Variants in EYS observed in about 807,000 individuals in gnomAD.
EYS encodes the protein EGF-like photoreceptor maintenance factor.
A neutral mutation model predicts 282.1 loss-of-function variants in EYS; 250 were observed. The observed-to-expected ratio is 0.89, with a 90% CI of 0.80 to 0.98. EYS has a LOEUF of 0.98. Among genes scored for constraint, EYS ranks in the 50% least tolerant of loss-of-function variants. The pLI is 0.00. For synonymous variants in EYS, 1,355 were observed against 1,282.9 expected (o/e 1.06, Z -1.20); for missense variants, 4,016 against 3,709.0 (o/e 1.08, Z -2.15).
chr6:64,213,187 T>G (rs1175110372), intron 31 of EYS, among the ~76,000 whole-genome samples: 2 of 152,130 alleles, frequency 1.3e-5, no homozygotes, highest in East Asian at 1.9e-4. Flanking sequence ...AGTTTACCTA[T>G]GTAACAAACC....
chr6:63,865,917 T>C (rs1320819705), intron 35 of EYS, among the ~76,000 whole-genome samples: 1 of 152,218 alleles, frequency 6.6e-6, no homozygotes, highest in East Asian at 1.9e-4. Context: ...TTGTAAGGCT[T>C]TGAGACCTTC....
At position 64,591,887 on chromosome 6, in the gene EYS, A is replaced by C; in HGVS notation, c.3980T>G (p.Leu1327Arg). 6.4e-7 allele frequency: 1 copy of C among 1,550,888 alleles called. No individual in the cohort carries two copies. Among genetic ancestry groups the C allele is most frequent in the Non-Finnish European group, 8.7e-7 (1 of 1,146,436 alleles). ...TGCTGAAAGCTCTCTAGTGACAATC[A>C]GTTCTTGGAGTAAGTAGCTTTCCAA... ...TPLESYLLQE[L>R]IVTRELSAKH... The change falls in exon 26 of 43, where the codon CTG becomes CGG. Residue 1327 changes from leucine to arginine, a missense_variant. Transcript: ENST00000503581.
At chr6:64,246,533 TAC>T (rs770873735) in intron 30 of EYS, among the ~76,000 whole-genome samples, 3 of 152,172 alleles carry the variant, frequency 2.0e-5, no homozygotes, top group Non-Finnish European at 4.4e-5. Context: ...GACATGTGTG[TAC>T]AGTTTGCATA....
chr6:64,257,767 GAT>G (rs1767450227), intron 30 of EYS, among the ~76,000 whole-genome samples: 3 of 16,552 alleles, frequency 1.8e-4, no homozygotes, highest in East Asian at 8.0e-4. Flanking sequence ...GAATGGTGTG[GAT>G]GATGATGATG....
intron 12 of EYS, among the ~76,000 whole-genome samples, chr6:65,085,447 A>G (rs1774338282): frequency 6.6e-6 from 1 of 152,226 alleles, no homozygotes; most frequent in South Asian, 2.1e-4. Context: ...AAAGGGCTAC[A>G]GAAATGAACC....
chr6:64,043,990 C>T (rs1047473085), intron 33 of EYS, among the ~76,000 whole-genome samples: 2 of 152,120 alleles, frequency 1.3e-5, no homozygotes, highest in African/African-American at 2.4e-5. Flanking sequence ...TCATGAAAAC[C>T]TTCCTTCCCC....
chr6:64,181,207 T>C (rs1182082730), intron 31 of EYS, among the ~76,000 whole-genome samples: 1 of 152,172 alleles, frequency 6.6e-6, no homozygotes, highest in Non-Finnish European at 1.5e-5. Flanking sequence ...GACTGTACTC[T>C]ATGATACAGA....
chr6:64,802,013 ATTTC>A (rs1345995379), intron 22 of EYS, among the ~76,000 whole-genome samples: 2 of 124,174 alleles, frequency 1.6e-5, no homozygotes, highest in African/African-American at 6.1e-5. Context: ...GTTATAACAA[ATTTC>A]TTTTTCTTTT....
intron 33 of EYS, among the ~76,000 whole-genome samples, chr6:64,034,097 G>A (rs948416899): frequency 1.3e-5 from 2 of 152,178 alleles, no homozygotes; most frequent in Non-Finnish European, 2.9e-5. Flanking sequence ...GTAATGGTCT[G>A]CAATAGCAGG....
At chr6:63,748,170 T>C (rs1476284125) in intron 41 of EYS, among the ~76,000 whole-genome samples, 3 of 151,892 alleles carry the variant, frequency 2.0e-5, no homozygotes, top group Non-Finnish European at 4.4e-5. Flanking sequence ...CTCAGCATGA[T>C]ACTGGACAAA....
chr6:65,475,531 T>A (rs1765368270), intron 5 of EYS, among the ~76,000 whole-genome samples: 1 of 152,140 alleles, frequency 6.6e-6, no homozygotes, highest in Non-Finnish European at 1.5e-5. Flanking sequence ...TATATTTAGT[T>A]AATGATAAGT....
chr6:64,455,141 G>A (rs1775511508), intron 26 of EYS, among the ~76,000 whole-genome samples: 1 of 152,004 alleles, frequency 6.6e-6, no homozygotes, highest in South Asian at 2.1e-4. Context: ...TGAACTCTTG[G>A]ACTCAGGCAA....
At chr6:65,636,989 T>A (rs4458657) in intron 2 of EYS, among the ~76,000 whole-genome samples, 52,896 of 151,780 alleles carry the variant, frequency 0.35, 11,587 homozygotes, top group Non-Finnish European at 0.48. Context: ...GTTGTTTTTT[T>A]AAAAAATTTT....
chr6:64,675,762 A>G (rs1283161589), intron 22 of EYS, among the ~76,000 whole-genome samples: 2 of 151,888 alleles, frequency 1.3e-5, no homozygotes, highest in East Asian at 1.9e-4. Context: ...ACCATCACAT[A>G]TGGAATTAAT....
chr6:64,206,283 C>T (rs927778540), intron 31 of EYS, among the ~76,000 whole-genome samples: 1 of 152,092 alleles, frequency 6.6e-6, no homozygotes, highest in Non-Finnish European at 1.5e-5. Flanking sequence ...AGTATTTATA[C>T]CACATTTGAC....
chr6:65,278,334 A>G (rs983675134), intron 12 of EYS, among the ~76,000 whole-genome samples: 8 of 146,808 alleles, frequency 5.4e-5, no homozygotes, highest in African/African-American at 1.7e-4. Flanking sequence ...CTATATATAT[A>G]TAGAATCTAT....
At chr6:64,451,810 C>T (rs559910150) in intron 26 of EYS, among the ~76,000 whole-genome samples, 19 of 152,104 alleles carry the variant, frequency 1.2e-4, no homozygotes, top group African/African-American at 4.1e-4. Flanking sequence ...AATTGAACAA[C>T]CTTCATGCTA....
At chr6:64,837,835 C>T (rs1444380858) in intron 19 of EYS, among the ~76,000 whole-genome samples, 1 of 150,984 alleles carries the variant, frequency 6.6e-6, no homozygotes, top group African/African-American at 2.4e-5. Flanking sequence ...AAAGAATAGA[C>T]ATTGAAGACT....
chr6:65,418,399 C>T (rs1767322139), intron 5 of EYS, among the ~76,000 whole-genome samples: 1 of 152,012 alleles, frequency 6.6e-6, no homozygotes. Context: ...TCCTATTATT[C>T]TGCTATAAGG....
Sources: allele counts gnomAD v4.1 joint callset (sites outside exome capture counted in the v4.1 genomes callset), GRCh38; gene constraint gnomAD v4.1.1; transcripts MANE v1.5; gene names NCBI Gene and HGNC (gene_info 2026-07-23, HGNC 2026-07-21).